The following EFR3A variants were observed in gnomAD, a reference collection of about 807,000 sequenced individuals.
EFR3A encodes the protein EFR3 homolog A.
Under a neutral mutation model 104.4 loss-of-function variants are expected in EFR3A, and 76 were observed. The observed-to-expected ratio is 0.73, with a 90% CI of 0.60 to 0.88. The LOEUF (loss-of-function observed/expected upper bound fraction) is 0.88, where lower values mean the gene tolerates loss of function less well. Ranked by LOEUF, EFR3A falls within the 40% of genes least tolerant of loss-of-function variation. EFR3A has a pLI of 0.00. For missense variants in EFR3A, 985 were observed against 1,012.5 expected (o/e 0.97, Z 0.37); for synonymous variants, 330 against 330.0 (o/e 1.00, Z 0.00).
intron 4 of EFR3A, 75 bp from the exon 5 acceptor site, chr8:131,949,894 A>G: frequency 8.0e-7 from 1 of 1,244,458 alleles, no homozygotes; most frequent in South Asian, 1.4e-5. Flanking sequence ...TTAATATGAC[A>G]GTGTATGAAA....
intron 14 of EFR3A, among the ~76,000 whole-genome samples, chr8:131,983,812 T>G (rs1553270): frequency 0.11 from 17,207 of 152,212 alleles, 1,130 homozygotes; most frequent in South Asian, 0.22. Flanking sequence ...TGCCATCCAT[T>G]TCACTTTTTT....
At chr8:131,986,084 T>G (rs940692994) in intron 16 of EFR3A, 110 bp from the exon 17 acceptor site, 7 of 479,876 alleles carry the variant, frequency 1.5e-5, no homozygotes, top group Non-Finnish European at 2.6e-5. Context: ...TGATGTTATT[T>G]CTTATAAATG....
chr8:131,922,243 C>T lies in EFR3A; in HGVS notation c.10+17921C>T, dbSNP rs1817072046. On this transcript the variant is annotated intron_variant, in intron 1 of 22. Transcript: ENST00000254624. Reference sequence around the variant, plus strand: ...TAGGGCTTACCCTAATCCAGTATGACCTCATCTTGATTATATCTGCAAAGA... The same window carrying T: ...TAGGGCTTACCCTAATCCAGTATGATCTCATCTTGATTATATCTGCAAAGA... Among the ~76,000 whole-genome samples the T allele has an allele frequency of 2.0e-5, 3 of 152,020 alleles. No individual in the cohort carries two copies. In the South Asian group the frequency reaches 6.2e-4, roughly 31 times the overall value.
rs1373751243 is a variant in EFR3A, at chr8:132,011,052, T to G, written c.*157T>G. 4.7e-6 allele frequency: 6 copies of G among 1,286,046 alleles called. No individual in the cohort carries two copies. Among genetic ancestry groups the G allele is most frequent in the Non-Finnish European group, 5.9e-6 (6 of 1,009,950 alleles). 79.7% of individuals were successfully genotyped at this position (1,286,046 alleles called of 1,614,324 possible). On this transcript the variant is annotated 3_prime_UTR_variant, in exon 23 of 23. Transcript: ENST00000254624. The stretch of plus-strand genomic sequence containing the variant: ...GTTTGGCATACCATATTAGAAGTTT[T>G]GGAGCTATATATAATTTCGAGTACT...
chr8:131,917,445 G>T (rs1182132287), intron 1 of EFR3A, among the ~76,000 whole-genome samples: 1 of 152,166 alleles, frequency 6.6e-6, no homozygotes, highest in Non-Finnish European at 1.5e-5. Flanking sequence ...GCTGATTAAG[G>T]GATTAACAAT....
intron 1 of EFR3A, among the ~76,000 whole-genome samples, chr8:131,922,527 A>G (rs1340023106): frequency 1.3e-5 from 2 of 152,086 alleles, no homozygotes; most frequent in Non-Finnish European, 2.9e-5. Context: ...GGTTAATTCA[A>G]CCTTTACTGG....
intron 1 of EFR3A, among the ~76,000 whole-genome samples, chr8:131,910,057 G>A (rs907668341): frequency 1.3e-5 from 2 of 152,184 alleles, no homozygotes; most frequent in East Asian, 1.9e-4. Context: ...GTTTCCTTCA[G>A]GGAGCCAGGG....
chr8:131,987,768 C>T (rs1820966011), intron 18 of EFR3A, 66 bp downstream of exon 18: 1 of 1,477,392 alleles, frequency 6.8e-7, no homozygotes, highest in Admixed American at 2.5e-5. Context: ...TTTTTCATTA[C>T]CCAGTTAACA....
chr8:131,983,646 T>C (rs1295890502), intron 14 of EFR3A, among the ~76,000 whole-genome samples: 1 of 152,152 alleles, frequency 6.6e-6, no homozygotes, highest in Non-Finnish European at 1.5e-5. Context: ...AGGGACTCCA[T>C]GCCAAAATGT....
chr8:131,940,229 G>C lies in EFR3A; in HGVS notation c.11-270G>C, dbSNP rs939555311. ...TGACATCAGAAAGGAGGTAAAGGGG[G>C]CACGGATGATGTTTTCACTTTGTCA... On this transcript the variant is annotated intron_variant, in intron 1 of 22. Transcript: ENST00000254624. 5.0e-5 allele frequency: 20 copies of C among 399,820 alleles called. No homozygotes were observed. The South Asian group carries it at 6.5e-4, about 13-fold the overall frequency. 24.8% of individuals were successfully genotyped at this position (399,820 alleles called of 1,614,324 possible). A position where few individuals can be genotyped will look rare whatever the true frequency, so the allele number is the denominator to read the frequency against.
chr8:131,958,191 T>C (rs538121203), intron 7 of EFR3A, among the ~76,000 whole-genome samples: 1 of 152,310 alleles, frequency 6.6e-6, no homozygotes, highest in East Asian at 1.9e-4. Context: ...AAATATTGTA[T>C]TGGACGATAT....
At chr8:131,909,870 G>A (rs1816428905) in intron 1 of EFR3A, among the ~76,000 whole-genome samples, 1 of 152,200 alleles carries the variant, frequency 6.6e-6, no homozygotes, top group African/African-American at 2.4e-5. Flanking sequence ...GTCCCTGGTT[G>A]AGAACCACTG....
At position 131,959,640 on chromosome 8, in the gene EFR3A, A is replaced by G; in HGVS notation, c.832A>G (p.Lys278Glu). ...CAATGAATTTGCAGTTCACTGCTTTAAAATTATAATGTATTCCATTCAGGT... is the reference window on the plus strand; with the variant it reads ...CAATGAATTTGCAGTTCACTGCTTTGAAATTATAATGTATTCCATTCAGGT... ...DPNEFAVHCF[K>E]IIMYSIQAQY... The change falls in exon 8 of 23, where the codon AAA (lysine) becomes GAA (glutamate). Residue 278 changes from lysine to glutamate, a missense_variant. Physicochemically the swap from Lys to Glu is moderately conservative, Grantham distance 56. Transcript: ENST00000254624. 5 of 1,611,680 alleles carry G rather than the reference A, an allele frequency of 3.1e-6. No individual in the cohort carries two copies. The highest frequency in any genetic ancestry group is 4.2e-6 in the Non-Finnish European group (5 of 1,178,974).
chr8:131,956,055 C>A, intron 7 of EFR3A, 150 bp downstream of exon 7: 1 of 902,436 alleles, frequency 1.1e-6, no homozygotes, highest in Non-Finnish European at 1.6e-6. Context: ...AGGACTGAGT[C>A]ATGCATGATG....
intron 19 of EFR3A, among the ~76,000 whole-genome samples, chr8:131,997,796 G>T (rs1417316256): frequency 6.6e-6 from 1 of 151,880 alleles, no homozygotes; most frequent in Non-Finnish European, 1.5e-5. Flanking sequence ...GTTATTGACT[G>T]GTATTTTCAC....
rs1818808870 is a variant in EFR3A, at chr8:131,953,409, A to G, written c.489-409A>G. 2.0e-5 allele frequency among the ~76,000 whole-genome samples: 3 copies of G among 152,100 alleles called. No individual in the cohort carries two copies. In the South Asian group the frequency reaches 6.2e-4, roughly 32 times the overall value. On this transcript the variant is annotated intron_variant, in intron 5 of 22. Transcript: ENST00000254624. ...AGTTGAAGGGCTGTTAGGGAGGAAC[A>G]GTGAGAGAAGTCTGAAGAAGCATGA...
chr8:131,936,916 G>A (rs185347323), intron 1 of EFR3A, among the ~76,000 whole-genome samples: 78 of 152,060 alleles, frequency 5.1e-4, no homozygotes, highest in Admixed American at 1.8e-3. Context: ...CTATAAAGGC[G>A]CGATTGATTA....
At chr8:132,004,762 G>T (rs753198583) in intron 22 of EFR3A, among the ~76,000 whole-genome samples, 1 of 151,864 alleles carries the variant, frequency 6.6e-6, no homozygotes, top group African/African-American at 2.4e-5. Flanking sequence ...CTATTTTTTT[G>T]ATTTTTCAGG....
intron 14 of EFR3A, among the ~76,000 whole-genome samples, chr8:131,980,390 G>A (rs887646320): frequency 1.3e-4 from 19 of 151,878 alleles, no homozygotes; most frequent in Non-Finnish European, 2.8e-4. Context: ...ATTTAAATGA[G>A]GCTATACTGT....
Sources: allele counts gnomAD v4.1 joint callset (sites outside exome capture counted in the v4.1 genomes callset), GRCh38; gene constraint gnomAD v4.1.1; transcripts MANE v1.5; gene names NCBI Gene and HGNC (gene_info 2026-07-23, HGNC 2026-07-21).